Variants in BCL11A observed in about 807,000 individuals in gnomAD.
BCL11A encodes BCL11 transcription factor A.
In BCL11A, 2 loss-of-function variants were observed where a neutral mutation model predicts 55.9. The observed-to-expected ratio is 0.04, with a 90% CI of 0.01 to 0.11. The LOEUF (loss-of-function observed/expected upper bound fraction) is 0.11. BCL11A is among the 10% of genes least tolerant of loss of function. The pLI, the probability that BCL11A is intolerant of heterozygous loss-of-function variation, is 1.00. For missense variants in BCL11A, 817 were observed against 1,137.1 expected (o/e 0.72, Z 4.05); for synonymous variants, 465 against 473.4 (o/e 0.98, Z 0.23).
At chr2:60,544,936 T>C (rs1470842147) in intron 2 of BCL11A, 1 of 152,236 alleles carries the variant, frequency 6.6e-6, no homozygotes, top group Non-Finnish European at 1.5e-5. Flanking sequence ...TAGCCTTTAA[T>C]TCCTTTTCCC....
intron 3 of BCL11A, among the ~76,000 whole-genome samples, chr2:60,464,144 CCACTCAATATATCT>C (rs1402309120): frequency 8.5e-5 from 13 of 152,068 alleles, no homozygotes; most frequent in Admixed American, 7.2e-4. Context: ...ATTTATAATC[CCACTCAATATATCT>C]CACTCCTGGG....
chr2:60,509,065 C>G (rs1679823914), intron 2 of BCL11A, among the ~76,000 whole-genome samples: 1 of 152,194 alleles, frequency 6.6e-6, no homozygotes, highest in African/African-American at 2.4e-5. Context: ...CAGACAGAAA[C>G]ACTGACTCTT....
rs1300771824 is a variant in BCL11A, at chr2:60,460,574, C to T, written c.2338G>A (p.Ala780Thr). ...YKCELCNYAC[A>T]QSSKLTRHMK... ...TGCCTGGTGAGCTTGCTACTCTGGG[C>T]ACAGGCATAGTTGCACAGCTCGCAT... The change falls in exon 4 of 4, where the codon GCC (alanine) becomes ACC (threonine). Residue 780 changes from alanine to threonine, a missense_variant. Transcript: ENST00000642384. The T allele has an allele frequency of 6.2e-7, 1 of 1,614,148 alleles. No homozygotes were observed. Among genetic ancestry groups the T allele is most frequent in the Admixed American group, 1.7e-5 (1 of 60,030 alleles).
chr2:60,492,619 T>C (rs1477349429), intron 2 of BCL11A, among the ~76,000 whole-genome samples: 1 of 150,114 alleles, frequency 6.7e-6, no homozygotes, highest in African/African-American at 2.4e-5. Context: ...GGCCTCCCTC[T>C]CTCTCTCTCT....
chr2:60,527,264 G>A (rs1669245627), intron 2 of BCL11A: 1 of 152,212 alleles, frequency 6.6e-6, no homozygotes, highest in Non-Finnish European at 1.5e-5. Flanking sequence ...GTGCGAGCGA[G>A]GGAAATAAGA....
chr2:60,460,209 G>C lies in BCL11A; in HGVS notation c.*195C>G. ...GAAAAAGAAAAAAGAAAAAGAAAAA[G>C]AAAAAAAACAGGTGTGCTGGTGACA... is the stretch of plus-strand genomic sequence containing the variant. On this transcript the variant is annotated 3_prime_UTR_variant, in exon 4 of 4. Transcript: ENST00000642384. The C allele has an allele frequency of 7.8e-7, 1 of 1,278,806 alleles. No individual in the cohort carries two copies. Among genetic ancestry groups the C allele is most frequent in the South Asian group, 2.8e-5 (1 of 36,166 alleles). The allele number at this position is 1,278,806 out of a possible 1,614,324, so 79.2% of individuals were successfully genotyped here. A position where few individuals can be genotyped will look rare whatever the true frequency, so the allele number is the denominator to read the frequency against.
intron 2 of BCL11A, among the ~76,000 whole-genome samples, chr2:60,510,156 C>A (rs542445073): frequency 6.6e-6 from 1 of 152,154 alleles, no homozygotes; most frequent in Non-Finnish European, 1.5e-5. Context: ...TCTCAAAATG[C>A]GGCCCAAGAG....
intron 2 of BCL11A, among the ~76,000 whole-genome samples, chr2:60,513,236 T>A (rs1660097733): frequency 1.3e-5 from 2 of 152,106 alleles, no homozygotes; most frequent in South Asian, 4.2e-4. Flanking sequence ...TTCAGGTACA[T>A]CCCCATCATG....
Position 60,546,417 on chromosome 2 carries a change from T to C in BCL11A, c.56-117A>G. ...ATCATGTAAAGTGTTTCTAGGCTTCTCTATATAATACCCAGAAAATGTGAG... is the reference window on the plus strand; with the variant it reads ...ATCATGTAAAGTGTTTCTAGGCTTCCCTATATAATACCCAGAAAATGTGAG... On this transcript the variant is annotated intron_variant, in intron 1 of 3. Coordinates refer to ENST00000642384, the MANE Select transcript of BCL11A (RefSeq NM_022893.4). The surrounding 1 kb of genome is among the most constrained non-coding windows in gnomAD (Gnocchi z 4.1). 1.2e-6 allele frequency: 1 copy of C among 849,614 alleles called. No homozygotes were observed. 52.6% of individuals were successfully genotyped at this position (849,614 alleles called of 1,614,324 possible).
chr2:60,492,498 T>TA (rs1057274610), intron 2 of BCL11A, among the ~76,000 whole-genome samples: 147 of 152,340 alleles, frequency 9.6e-4, no homozygotes, highest in African/African-American at 3.1e-3. Context: ...GCTGGAATTC[T>TA]AGGAAAACAG....
At chr2:60,487,702 C>T (rs555567212) in intron 2 of BCL11A, among the ~76,000 whole-genome samples, 11 of 152,304 alleles carry the variant, frequency 7.2e-5, no homozygotes, top group Admixed American at 6.5e-4. Context: ...TTTCCCACTC[C>T]CTTATTTATG....
At chr2:60,532,211 C>G (rs1362320167) in intron 2 of BCL11A, among the ~76,000 whole-genome samples, 1 of 152,056 alleles carries the variant, frequency 6.6e-6, no homozygotes, top group East Asian at 1.9e-4. Context: ...TGTTCCTCTG[C>G]TAATTATTTC....
chr2:60,530,958 G>T (rs1040482755), intron 2 of BCL11A, among the ~76,000 whole-genome samples: 1 of 152,112 alleles, frequency 6.6e-6, no homozygotes, highest in Non-Finnish European at 1.5e-5. Context: ...CGCACCCTGG[G>T]ACCCCTGACA....
chr2:60,475,635 C>T (rs1558627285), intron 2 of BCL11A, among the ~76,000 whole-genome samples: 1 of 152,130 alleles, frequency 6.6e-6, no homozygotes, highest in African/African-American at 2.4e-5. Flanking sequence ...CCAAATTTCC[C>T]CTCTTTCTTC....
chr2:60,455,440 A>C (rs1014087622), downstream of BCL11A, among the ~76,000 whole-genome samples: 1 of 152,196 alleles, frequency 6.6e-6, no homozygotes, highest in African/African-American at 2.4e-5. Context: ...ATTGTTCATC[A>C]GCTTCAGAAA....
At chr2:60,543,509 A>G (rs978132278) in intron 2 of BCL11A, 1 of 152,234 alleles carries the variant, frequency 6.6e-6, no homozygotes, top group Non-Finnish European at 1.5e-5. Context: ...GTACACACAC[A>G]GCCGTCTTCC....
At chr2:60,490,764 G>A (rs1375553488) in intron 2 of BCL11A, among the ~76,000 whole-genome samples, 1 of 152,108 alleles carries the variant, frequency 6.6e-6, no homozygotes, top group African/African-American at 2.4e-5. Context: ...TACCAGCACA[G>A]CATGTGACAT....
At chr2:60,480,011 T>C (rs1051103568) in intron 2 of BCL11A, among the ~76,000 whole-genome samples, 11 of 152,210 alleles carry the variant, frequency 7.2e-5, no homozygotes, top group Non-Finnish European at 2.9e-5. Context: ...AATCATACTT[T>C]GCATTTATGG....
rs1676255490 is a variant in BCL11A, at chr2:60,461,248, A to G, written c.1664T>C (p.Met555Thr). The G allele has an allele frequency of 6.3e-7, 1 of 1,594,746 alleles. No homozygotes were observed. Among genetic ancestry groups the G allele is most frequent in the Non-Finnish European group, 8.5e-7 (1 of 1,171,234 alleles). The change falls in exon 4 of 4, where the codon ATG (methionine) becomes ACG (threonine). Residue 555 changes from methionine (M) to threonine (T), a missense_variant. By Grantham distance (81) the Met-to-Thr change is moderately conservative. Coordinates refer to ENST00000642384, the MANE Select transcript of BCL11A (RefSeq NM_022893.4). Reference protein sequence around the residue: ...DVMQGMVLSSMQHFSEAFHQV... With the variant: ...DVMQGMVLSSTQHFSEAFHQV... ...GTGGAAGGCCTCGCTGAAGTGCTGC[A>G]TGGAGCTGAGCACCATGCCCTGCAT...
Sources: allele counts gnomAD v4.1 joint callset (sites outside exome capture counted in the v4.1 genomes callset), GRCh38; gene constraint gnomAD v4.1.1; non-coding constraint Gnocchi (gnomAD v3.1); transcripts MANE v1.5; gene names NCBI Gene and HGNC (gene_info 2026-07-23, HGNC 2026-07-21).